The following CPNE3 variants were observed in gnomAD, a reference collection of about 807,000 sequenced individuals.
CPNE3 encodes copine-3.
A neutral mutation model predicts 63.9 loss-of-function variants in CPNE3; 68 were observed. That is an observed-to-expected ratio of 1.06 (90% confidence interval 0.87 to 1.30). CPNE3 has a LOEUF of 1.30. CPNE3 is among the 50% of genes most tolerant of loss of function. The pLI is 0.00. For missense variants in CPNE3, 665 were observed against 578.1 expected, an observed-to-expected ratio of 1.15 and a Z score of -1.54; for synonymous variants, 219 against 197.5, an observed-to-expected ratio of 1.11 and a Z score of -0.91.
intron 14 of CPNE3, chr8:86,554,097 C>T (rs1286130790): frequency 6.6e-6 from 1 of 152,188 alleles, no homozygotes; most frequent in Non-Finnish European, 1.5e-5. Context: ...GGATGTGCTG[C>T]TCCTACGGCA....
At chr8:86,527,037 A>G (rs980220558) in intron 2 of CPNE3, among the ~76,000 whole-genome samples, 1 of 152,174 alleles carries the variant, frequency 6.6e-6, no homozygotes, top group Non-Finnish European at 1.5e-5. Flanking sequence ...TTGTTACTTC[A>G]GATTTGCTTA....
intron 11 of CPNE3, among the ~76,000 whole-genome samples, chr8:86,548,025 A>G (rs1821092746): frequency 6.6e-6 from 1 of 152,228 alleles, no homozygotes; most frequent in Non-Finnish European, 1.5e-5. Context: ...TAAGGACTAG[A>G]AAGCATTAGT....
rs747112587 is a variant in CPNE3, at chr8:86,554,972, G to C, written c.1242G>C (p.Gln414His). 1 of 1,613,926 alleles carries C rather than the reference G, an allele frequency of 6.2e-7. No individual in the cohort carries two copies. The highest frequency in any genetic ancestry group is 8.5e-7 in the Non-Finnish European group (1 of 1,179,978). Residue 414 changes from glutamine (Q) to histidine (H), a missense_variant, in exon 15 of 17, where the codon CAG (glutamine) becomes CAC (histidine). Physicochemically the swap from Gln to His is conservative, Grantham distance 24 (BLOSUM62 0). Coordinates refer to ENST00000517490, the MANE Select transcript of CPNE3 (RefSeq NM_003909.5). ...GGTTTGCTGCTGCAGCCACGCAACA[G>C]CAGACAGCTTCTGTAAGTGCTCTAT... The part of the protein sequence containing the change: ...VARFAAAATQ[Q>H]QTASQYFVLL...
At chr8:86,527,008 G>T (rs1820556629) in intron 2 of CPNE3, among the ~76,000 whole-genome samples, 1 of 152,072 alleles carries the variant, frequency 6.6e-6, no homozygotes, top group Non-Finnish European at 1.5e-5. Flanking sequence ...ATTACAAAGG[G>T]CTCTTCTAAT....
intron 14 of CPNE3, among the ~76,000 whole-genome samples, chr8:86,553,731 T>C (rs956739973): frequency 3.3e-5 from 5 of 150,912 alleles, no homozygotes; most frequent in African/African-American, 7.3e-5. Context: ...GCAAGAGACC[T>C]GTTTTGATTT....
At chr8:86,519,770 A>G (rs966120952) in intron 2 of CPNE3, among the ~76,000 whole-genome samples, 9 of 152,102 alleles carry the variant, frequency 5.9e-5, no homozygotes, top group Admixed American at 5.9e-4. Flanking sequence ...CTGGAGTGCA[A>G]TGGCACGATC....
intron 10 of CPNE3, chr8:86,547,507 AT>A: frequency 2.0e-6 from 1 of 504,746 alleles, no homozygotes; most frequent in African/African-American, 2.0e-5. Flanking sequence ...TAATCTTAAC[AT>A]TGCTACAATT....
chr8:86,522,392 A>T (rs1023846452), intron 2 of CPNE3, among the ~76,000 whole-genome samples: 16 of 152,132 alleles, frequency 1.1e-4, no homozygotes, highest in Admixed American at 7.9e-4. Context: ...ATAATGAGCT[A>T]CAAGCGCTTC....
chr8:86,517,284 A>T (rs76285051), intron 2 of CPNE3, among the ~76,000 whole-genome samples: 8,913 of 148,662 alleles, frequency 0.06, 515 homozygotes, highest in East Asian at 0.19. Flanking sequence ...GTTTCCTCAT[A>T]AAAAAAAAGA....
chr8:86,541,705 TAA>T (rs536813276), intron 8 of CPNE3, among the ~76,000 whole-genome samples: 18 of 122,156 alleles, frequency 1.5e-4, no homozygotes, highest in Admixed American at 1.7e-4. Context: ...GACCGTGTCT[TAA>T]AAAAAAAAAA....
intron 16 of CPNE3, among the ~76,000 whole-genome samples, chr8:86,556,911 G>A (rs952954694): frequency 1.3e-5 from 2 of 151,978 alleles, no homozygotes; most frequent in South Asian, 2.1e-4. Flanking sequence ...AAATGGAATC[G>A]TACAATATAC....
chr8:86,528,896 G>T, intron 3 of CPNE3, 49 bp from the exon 4 acceptor site: 2 of 1,507,998 alleles, frequency 1.3e-6, no homozygotes, highest in Non-Finnish European at 1.8e-6. Flanking sequence ...GAAAATCCAA[G>T]TGCACCTTTG....
intron 2 of CPNE3, among the ~76,000 whole-genome samples, chr8:86,526,560 T>A (rs1185957366): frequency 6.6e-6 from 1 of 152,062 alleles, no homozygotes; most frequent in Admixed American, 6.5e-5. Context: ...TCACCCAGGT[T>A]GGAGTGCAGT....
intron 2 of CPNE3, among the ~76,000 whole-genome samples, chr8:86,522,548 C>CTTTTT (rs36073581): frequency 0.01 from 849 of 82,086 alleles, 92 homozygotes; most frequent in African/African-American, 0.014. Context: ...ACGCCCGCTG[C>CTTTTT]TTTTTTTTTT....
rs779682194 is a variant in CPNE3 at position 86,528,501 on chromosome 8, T to C, written c.-10-35T>C. 8 of 1,609,456 alleles carry C rather than the reference T, an allele frequency of 5.0e-6. No homozygotes were observed. The South Asian group carries it at 8.9e-5, about 18-fold the overall frequency. ...ATGAGTGTGCTTCTTAAAGGCACTG[T>C]TTTACTTGCTTTCTCTTTTTATTGG... On this transcript the variant is annotated intron_variant, in intron 2 of 16. Coordinates refer to ENST00000517490, the MANE Select transcript of CPNE3 (RefSeq NM_003909.5).
At chr8:86,549,697 T>C (rs1821130048) in intron 12 of CPNE3, among the ~76,000 whole-genome samples, 2 of 152,234 alleles carry the variant, frequency 1.3e-5, no homozygotes, top group Non-Finnish European at 2.9e-5. Context: ...GTAAATATAA[T>C]AGTTAAGAAC....
At chr8:86,528,382 T>C (rs529329553) in intron 2 of CPNE3, among the ~76,000 whole-genome samples, 154 bp from the exon 3 acceptor site, 1 of 152,336 alleles carries the variant, frequency 6.6e-6, no homozygotes, top group Non-Finnish European at 1.5e-5. Flanking sequence ...ACCCACATCC[T>C]GAGGAGGTGC....
chr8:86,553,765 T>TG (rs1491369801), intron 14 of CPNE3, among the ~76,000 whole-genome samples: 5 of 151,838 alleles, frequency 3.3e-5, no homozygotes, highest in African/African-American at 4.8e-5. Flanking sequence ...TTTTTTTTTT[T>TG]TGTGGCAAGT....
intron 2 of CPNE3, among the ~76,000 whole-genome samples, chr8:86,522,010 T>C (rs528510996): frequency 1.3e-5 from 2 of 152,344 alleles, no homozygotes; most frequent in Non-Finnish European, 2.9e-5. Context: ...TATGGAATTA[T>C]TAACTATCTT....
Sources: gnomAD v4.1 joint callset for allele counts (sites outside exome capture counted in the v4.1 genomes callset) on GRCh38, gnomAD v4.1.1 for gene constraint, MANE v1.5 for transcripts, NCBI Gene and HGNC (gene_info 2026-07-23, HGNC 2026-07-21) for gene names.